The following ANAPC4 variants were observed in gnomAD, a reference collection of about 807,000 sequenced individuals.
ANAPC4 encodes the protein anaphase promoting complex subunit 4, also known as anaphase-promoting complex subunit 4.
Under a neutral mutation model 119.8 loss-of-function variants are expected in ANAPC4, and 63 were observed. The ratio of observed to expected loss-of-function variants is 0.53; its 90% confidence interval spans 0.43 to 0.65. The LOEUF is 0.65. Among genes scored for constraint, ANAPC4 ranks in the 30% least tolerant of loss-of-function variants. The pLI, the probability that ANAPC4 is intolerant of heterozygous loss-of-function variation, is 0.00. For synonymous variants in ANAPC4, 283 were observed against 318.6 expected (o/e 0.89, Z 1.19); for missense variants, 716 against 945.1 (o/e 0.76, Z 3.18).
chr4:25,403,250 A>G (rs890868724), intron 17 of ANAPC4, among the ~76,000 whole-genome samples: 1 of 152,052 alleles, frequency 6.6e-6, no homozygotes, highest in African/African-American at 2.4e-5. Flanking sequence ...TTAATTTTTT[A>G]TTAGTATTTA....
At chr4:25,385,596 T>C (rs1055977177) in intron 4 of ANAPC4, among the ~76,000 whole-genome samples, 1 of 152,260 alleles carries the variant, frequency 6.6e-6, no homozygotes, top group African/African-American at 2.4e-5. Context: ...ATTTTTATTT[T>C]TTTTGTATTT....
At chr4:25,418,070 C>A in intron 28 of ANAPC4, 85 bp from the exon 29 acceptor site, 1 of 1,276,352 alleles carries the variant, frequency 7.8e-7, no homozygotes, top group Non-Finnish European at 1.1e-6. Context: ...TAAAACCATT[C>A]TTTGATTCAG....
At chr4:25,413,538 C>A in intron 21 of ANAPC4, 107 bp from the exon 22 acceptor site, 10 of 704,106 alleles carry the variant, frequency 1.4e-5, no homozygotes, top group East Asian at 6.6e-5. Context: ...GAAAATTCTA[C>A]CTCGAGATAA....
chr4:25,389,630 C>A (rs1722231065), intron 7 of ANAPC4, among the ~76,000 whole-genome samples: 1 of 152,106 alleles, frequency 6.6e-6, no homozygotes, highest in Admixed American at 6.5e-5. Flanking sequence ...AATATATAGA[C>A]CTTAATATCT....
At chr4:25,378,395 A>G (rs1446895960) in intron 2 of ANAPC4, among the ~76,000 whole-genome samples, 3 of 152,208 alleles carry the variant, frequency 2.0e-5, no homozygotes, top group Non-Finnish European at 4.4e-5. Context: ...CATGTTATCT[A>G]CCATGATCCA....
At chr4:25,395,913 T>C (rs998977882) in intron 14 of ANAPC4, among the ~76,000 whole-genome samples, 1 of 152,186 alleles carries the variant, frequency 6.6e-6, no homozygotes, top group African/African-American at 2.4e-5. Context: ...CATATTTCTC[T>C]CTTAAAAACT....
intron 9 of ANAPC4, 23 bp downstream of exon 9, chr4:25,391,038 G>T: frequency 1.3e-6 from 2 of 1,500,572 alleles, no homozygotes; most frequent in Non-Finnish European, 1.9e-6. Flanking sequence ...ACTTGATAAC[G>T]GTAGAGAGTA....
At position 25,382,217 on chromosome 4, in the gene ANAPC4, C is replaced by T. The variant is rs531472608; in HGVS notation, c.236-1044C>T. On this transcript the variant is annotated intron_variant, in intron 3 of 28. Transcript: ENST00000315368. Reference sequence around the variant, plus strand: ...CACTATATTTATATATTGTAATTTACTAAACCTGTTGCCCTTTGGTGGATA... The same window carrying T: ...CACTATATTTATATATTGTAATTTATTAAACCTGTTGCCCTTTGGTGGATA... Among the ~76,000 whole-genome samples, 6 of 152,202 alleles carry T rather than the reference C, an allele frequency of 3.9e-5. No individual in the cohort carries two copies. In the South Asian group the frequency reaches 1.2e-3, roughly 32 times the overall value.
chr4:25,403,714 C>T (rs1048494287), intron 17 of ANAPC4, among the ~76,000 whole-genome samples: 5 of 152,148 alleles, frequency 3.3e-5, no homozygotes, highest in African/African-American at 1.2e-4. Context: ...GCCATACTGT[C>T]CACATTTGAG....
In ANAPC4 at chr4:25,414,618, A is replaced by G. The variant is rs770855476; in HGVS notation, c.1744A>G (p.Asn582Asp). Residue 582 changes from asparagine (N) to aspartate (D), a missense_variant, in exon 25 of 29, where the codon AAT (asparagine) becomes GAT (aspartate). Coordinates refer to ENST00000315368, the MANE Select transcript of ANAPC4 (RefSeq NM_013367.3). ...FPFLWNNKTSNLHYLLFTILE... is the reference protein window; with the variant it reads ...FPFLWNNKTSDLHYLLFTILE... Reference sequence around the variant, plus strand: ...TCTTAGGTGGAATAATAAAACTTCAAATCTACATTATCTTCTTTTTACTAT... The same window carrying G: ...TCTTAGGTGGAATAATAAAACTTCAGATCTACATTATCTTCTTTTTACTAT... 6.4e-7 allele frequency: 1 copy of G among 1,555,806 alleles called. No individual in the cohort carries two copies. The highest frequency in any genetic ancestry group is 8.7e-7 in the Non-Finnish European group (1 of 1,146,764).
intron 20 of ANAPC4, 92 bp from the exon 21 acceptor site, chr4:25,409,606 A>C: frequency 1.1e-6 from 1 of 923,784 alleles, no homozygotes; most frequent in Non-Finnish European, 1.7e-6. Flanking sequence ...TGATTTACTA[A>C]ACTTAACTTT....
intron 2 of ANAPC4, 45 bp from the exon 3 acceptor site, chr4:25,380,329 G>C: frequency 6.7e-7 from 1 of 1,488,318 alleles, no homozygotes; most frequent in Non-Finnish European, 9.2e-7. Flanking sequence ...TTTATTTTTG[G>C]AAATGAATTT....
chr4:25,400,067 G>A (rs146099680), intron 16 of ANAPC4, among the ~76,000 whole-genome samples: 195 of 152,328 alleles, frequency 1.3e-3, no homozygotes, highest in Middle Eastern at 3.4e-3. Flanking sequence ...GGAGTGATGG[G>A]AGCTGGTACG....
chr4:25,395,123 C>A, intron 14 of ANAPC4: 1 of 447,144 alleles, frequency 2.2e-6, no homozygotes, highest in Middle Eastern at 5.7e-4. Context: ...TTTCACCAGG[C>A]TAGACTCTAT....
At position 25,413,758 on chromosome 4, in the gene ANAPC4, A is replaced by T. The variant is rs1388324689; in HGVS notation, c.1623+16A>T. The T allele has an allele frequency of 1.9e-5, 30 of 1,592,324 alleles. No homozygotes were observed. The highest frequency in any genetic ancestry group is 2.5e-5 in the Non-Finnish European group (29 of 1,162,046). ...AAAGCCAGCAGTAAGTTTGAAAGAAATGCATGTCTTTGTGTAGGAGCAATA... is the reference window on the plus strand; with the variant it reads ...AAAGCCAGCAGTAAGTTTGAAAGAATTGCATGTCTTTGTGTAGGAGCAATA... On this transcript the variant is annotated intron_variant, in intron 22 of 28. Coordinates refer to ENST00000315368, the MANE Select transcript of ANAPC4 (RefSeq NM_013367.3).
chr4:25,402,972 G>A lies in ANAPC4; in HGVS notation c.1216G>A (p.Val406Ile), dbSNP rs1487038233. The A allele has an allele frequency of 1.3e-6, 2 of 1,577,806 alleles. No homozygotes were observed. Among genetic ancestry groups the A allele is most frequent in the East Asian group, 4.5e-5 (2 of 44,060 alleles). Residue 406 changes from valine (V) to isoleucine (I), a missense_variant and splice_region_variant, in exon 17 of 29, where the codon GTT becomes ATT. Physicochemically the swap from Val to Ile is conservative, Grantham distance 29. This residue lies in a region of ANAPC4 where 504 missense variants were observed against 615.8 expected (regional missense o/e 0.82). Transcript: ENST00000315368. ...GATTTTTTGTTTTTATCTCTTTAGA[G>A]TTATAGATAGTAGTATGAAAAACTT... ...FILKANELLQ[V>I]IDSSMKNFKA...
intron 21 of ANAPC4, among the ~76,000 whole-genome samples, chr4:25,412,399 C>A (rs1295378182): frequency 1.3e-5 from 2 of 152,062 alleles, no homozygotes; most frequent in African/African-American, 4.8e-5. Context: ...GCGGGTGGAG[C>A]TGAAGTTTCC....
chr4:25,403,631 T>C (rs1723098714), intron 17 of ANAPC4, among the ~76,000 whole-genome samples: 1 of 152,248 alleles, frequency 6.6e-6, no homozygotes, highest in African/African-American at 2.4e-5. Flanking sequence ...TGCTGTCCAC[T>C]GTGGTAGCCA....
chr4:25,379,930 T>C (rs1721619110), intron 2 of ANAPC4, among the ~76,000 whole-genome samples: 1 of 152,170 alleles, frequency 6.6e-6, no homozygotes, highest in Non-Finnish European at 1.5e-5. Context: ...GGGAATTTAC[T>C]GATGTGGAAA....
Sources: gnomAD v4.1 joint callset for allele counts (sites outside exome capture counted in the v4.1 genomes callset) on GRCh38, gnomAD v4.1.1 for gene constraint, gnomAD v4.1.1 regional missense constraint, MANE v1.5 for transcripts, NCBI Gene and HGNC (gene_info 2026-07-23, HGNC 2026-07-21) for gene names.